The following FAF1 variants were observed in gnomAD, a reference collection of about 807,000 sequenced individuals.
FAF1 encodes Fas associated factor 1.
In FAF1, 25 loss-of-function variants were observed where a neutral mutation model predicts 92.5. The observed-to-expected ratio is 0.27, with a 90% CI of 0.20 to 0.38. The LOEUF (loss-of-function observed/expected upper bound fraction) is 0.38. FAF1 is among the 10% of genes least tolerant of loss of function. FAF1 has a pLI of 1.00. For synonymous variants in FAF1, 234 were observed against 273.2 expected, an observed-to-expected ratio of 0.86 and a Z score of 1.42; for missense variants, 636 against 793.3, an observed-to-expected ratio of 0.80 and a Z score of 2.38.
chr1:50,875,383 A>G (rs919705720), intron 1 of FAF1, among the ~76,000 whole-genome samples: 2 of 152,214 alleles, frequency 1.3e-5, no homozygotes, highest in Admixed American at 6.5e-5. Flanking sequence ...TACATATTTT[A>G]GCATTTTTTT....
At chr1:50,953,972 G>A (rs191615593) in intron 1 of FAF1, among the ~76,000 whole-genome samples, 4 of 151,514 alleles carry the variant, frequency 2.6e-5, no homozygotes, top group Admixed American at 6.6e-5. Context: ...TATTTGAGAC[G>A]GAGTCTCCCT....
intron 6 of FAF1, among the ~76,000 whole-genome samples, chr1:50,726,985 A>G (rs1658689081): frequency 6.6e-6 from 1 of 152,258 alleles, no homozygotes; most frequent in South Asian, 2.1e-4. Context: ...TCAGCAATAC[A>G]AAGCCCAGAA....
chr1:50,861,935 T>C (rs1226461267), intron 1 of FAF1, among the ~76,000 whole-genome samples: 3 of 151,824 alleles, frequency 2.0e-5, no homozygotes, highest in Non-Finnish European at 2.9e-5. Context: ...ACAATCAGCT[T>C]TCAGAACTAC....
At chr1:50,616,884 T>C (rs565074038) in intron 8 of FAF1, among the ~76,000 whole-genome samples, 7 of 152,286 alleles carry the variant, frequency 4.6e-5, no homozygotes, top group Admixed American at 6.5e-5. Flanking sequence ...TTTGGCCATG[T>C]TGGCCAGGCT....
At chr1:50,769,866 T>A (rs556341887) in intron 4 of FAF1, among the ~76,000 whole-genome samples, 4 of 151,924 alleles carry the variant, frequency 2.6e-5, no homozygotes, top group African/African-American at 9.6e-5. Context: ...GCCTGGCCAA[T>A]ATGGTGAAAC....
chr1:50,490,491 AAAGGAAGG>A lies in FAF1; in HGVS notation c.1653+89_1653+96del, dbSNP rs57779128. 5.5e-4 allele frequency: 307 copies of A among 557,842 alleles called. 13 individuals carry two copies. The highest frequency in any genetic ancestry group is 7.0e-4 in the Non-Finnish European group (221 of 314,576). 34.6% of individuals were successfully genotyped at this position (557,842 alleles called of 1,614,324 possible). A position where few individuals can be genotyped will look rare whatever the true frequency, so the allele number is the denominator to read the frequency against. ...GAAAGAAGGAAGGAAGGAAGGAAGGAAAGGAAGGAAGGAAGGAAGGAAGGAAGGTAGGT... is the reference window on the plus strand; with the variant it reads ...GAAAGAAGGAAGGAAGGAAGGAAGGAAAGGAAGGAAGGAAGGAAGGTAGGT... On this transcript the variant is annotated intron_variant, in intron 17 of 18. Transcript: ENST00000396153.
chr1:50,748,577 G>A (rs1451759870), intron 4 of FAF1, among the ~76,000 whole-genome samples: 2 of 152,030 alleles, frequency 1.3e-5, no homozygotes, highest in African/African-American at 2.4e-5. Context: ...GAGAAACAGT[G>A]AGAAATCACA....
Position 50,801,656 on chromosome 1 carries a change from G to A in FAF1, c.136C>T (p.Pro46Ser). 1 of 1,596,012 alleles carries A rather than the reference G, an allele frequency of 6.3e-7. No individual in the cohort carries two copies. The highest frequency in any genetic ancestry group is 8.6e-7 in the Non-Finnish European group (1 of 1,164,006). Reference protein sequence around the residue: ...DLVAAINGVIPQENGILQSEY... With the variant: ...DLVAAINGVISQENGILQSEY... Reference sequence around the variant, plus strand: ...CTTTGTAGAATGCCATTTTCCTGTGGTATTACACCATTGATAGCTGCCTGC... The same window carrying A: ...CTTTGTAGAATGCCATTTTCCTGTGATATTACACCATTGATAGCTGCCTGC... The change falls in exon 3 of 19, where the codon CCA (proline) becomes TCA (serine). Residue 46 changes from proline to serine, a missense_variant. Coordinates refer to ENST00000396153, the MANE Select transcript of FAF1 (RefSeq NM_007051.3).
intron 2 of FAF1, among the ~76,000 whole-genome samples, chr1:50,808,889 G>A (rs1291708183): frequency 6.6e-6 from 1 of 152,030 alleles, no homozygotes; most frequent in Non-Finnish European, 1.5e-5. Flanking sequence ...AGCACATCCA[G>A]TAAGGGCATT....
chr1:50,827,083 G>A (rs558172179), intron 2 of FAF1, among the ~76,000 whole-genome samples: 5 of 151,724 alleles, frequency 3.3e-5, no homozygotes, highest in Admixed American at 6.6e-5. Context: ...GGTGAGGAGC[G>A]CCTCTGCCCG....
chr1:50,468,873 G>C (rs892927836), intron 18 of FAF1, among the ~76,000 whole-genome samples: 19 of 152,152 alleles, frequency 1.2e-4, no homozygotes, highest in African/African-American at 4.3e-4. Context: ...TGGGATTACA[G>C]GCATGAGCCA....
chr1:50,551,804 C>T (rs1649321297), intron 13 of FAF1, among the ~76,000 whole-genome samples: 1 of 152,148 alleles, frequency 6.6e-6, no homozygotes, highest in Non-Finnish European at 1.5e-5. Context: ...TAGAATGCTA[C>T]CAAATTGAGA....
At chr1:50,753,883 G>A (rs1659971325) in intron 4 of FAF1, among the ~76,000 whole-genome samples, 1 of 151,298 alleles carries the variant, frequency 6.6e-6, no homozygotes, top group Admixed American at 6.6e-5. Context: ...TCAGTCTCCT[G>A]AGTAGCTGGG....
At chr1:50,763,703 C>T (rs1660451460) in intron 4 of FAF1, among the ~76,000 whole-genome samples, 1 of 152,104 alleles carries the variant, frequency 6.6e-6, no homozygotes, top group African/African-American at 2.4e-5. Context: ...ACTGTTAAAT[C>T]CATCAGAGTA....
intron 17 of FAF1, among the ~76,000 whole-genome samples, chr1:50,481,207 A>G (rs1557962648): frequency 6.6e-6 from 1 of 152,200 alleles, no homozygotes; most frequent in East Asian, 1.9e-4. Context: ...AAAGAAAAAA[A>G]GTAAACCTAG....
At chr1:50,670,134 A>G (rs1220105432) in intron 7 of FAF1, among the ~76,000 whole-genome samples, 1 of 151,812 alleles carries the variant, frequency 6.6e-6, no homozygotes, top group African/African-American at 2.4e-5. Context: ...AAAGAAAAAA[A>G]AAAAAAAAAA....
intron 15 of FAF1, among the ~76,000 whole-genome samples, chr1:50,523,543 G>C (rs1182105804): frequency 1.2e-4 from 19 of 152,122 alleles, no homozygotes; most frequent in Admixed American, 1.2e-3. Flanking sequence ...CCATGAGCTT[G>C]TTGGTCATCT....
chr1:50,884,290 G>T (rs1040800205), intron 1 of FAF1, among the ~76,000 whole-genome samples: 13 of 151,984 alleles, frequency 8.6e-5, no homozygotes, highest in African/African-American at 2.7e-4. Context: ...CGAGGCGGAT[G>T]GATCACTTGA....
intron 8 of FAF1, among the ~76,000 whole-genome samples, chr1:50,611,340 C>T (rs1652675102): frequency 1.3e-5 from 2 of 151,932 alleles, no homozygotes; most frequent in African/African-American, 4.8e-5. Context: ...GATATTAACA[C>T]AAAAAGAAAA....
Sources: gnomAD v4.1 joint callset for allele counts (sites outside exome capture counted in the v4.1 genomes callset) on GRCh38, gnomAD v4.1.1 for gene constraint, MANE v1.5 for transcripts, NCBI Gene and HGNC (gene_info 2026-07-23, HGNC 2026-07-21) for gene names.